The following RSF1 variants were observed in gnomAD, a reference collection of about 807,000 sequenced individuals.
The protein encoded by RSF1 is remodeling and spacing factor 1, also known as HBV pX-associated protein 8.
A neutral mutation model predicts 145.2 loss-of-function variants in RSF1; 13 were observed. That is an observed-to-expected ratio of 0.09 (90% confidence interval 0.06 to 0.14). The LOEUF is 0.14. RSF1 is among the 10% of genes least tolerant of loss of function. The pLI, the probability that RSF1 is intolerant of heterozygous loss-of-function variation, is 1.00. For synonymous variants in RSF1, 577 were observed against 592.6 expected (o/e 0.97, Z 0.38); for missense variants, 1,517 against 1,718.2 (o/e 0.88, Z 2.07).
chr11:77,759,767 G>T (rs924181412), intron 2 of RSF1, among the ~76,000 whole-genome samples: 3 of 150,610 alleles, frequency 2.0e-5, no homozygotes, highest in African/African-American at 7.3e-5. Flanking sequence ...TTCAATCCTT[G>T]CTTCACCATC....
In RSF1 at chr11:77,690,174, A is replaced by C. The variant is rs964920577; in HGVS notation, c.2900+985T>G. ...GAGACTCCATCTCAAAAAAAAAAAA[A>C]AAAAAACAAAAAACCTTCTCCAACT... On this transcript the variant is annotated intron_variant, in intron 9 of 15. Transcript: ENST00000308488. Among the ~76,000 whole-genome samples the C allele has an allele frequency of 3.8e-4, 57 of 151,700 alleles. 1 individual carries two copies. The East Asian group carries it at 5.4e-3, about 14-fold the overall frequency.
intron 1 of RSF1, among the ~76,000 whole-genome samples, chr11:77,784,494 C>T (rs1482317223): frequency 1.3e-5 from 2 of 151,718 alleles, no homozygotes; most frequent in East Asian, 3.9e-4. Context: ...CATTTTTCTC[C>T]TGGTTAAGAG....
the RSF1 span, chr11:77,841,189 A>C: frequency 1.4e-6 from 1 of 702,226 alleles, no homozygotes; most frequent in African/African-American, 1.7e-5. Context: ...TCTATTCATG[A>C]GGGTGGAACC....
intron 1 of RSF1, among the ~76,000 whole-genome samples, chr11:77,773,180 C>T (rs1459525433): frequency 1.3e-5 from 2 of 152,188 alleles, no homozygotes; most frequent in African/African-American, 4.8e-5. Context: ...ACATACCATA[C>T]AACTCATCCA....
At chr11:77,713,270 T>G (rs546678434) in intron 5 of RSF1, among the ~76,000 whole-genome samples, 1 of 152,306 alleles carries the variant, frequency 6.6e-6, no homozygotes, top group African/African-American at 2.4e-5. Context: ...ATTATAGATA[T>G]TGGTAACAGC....
At chr11:77,766,121 T>C (rs972235174) in intron 1 of RSF1, among the ~76,000 whole-genome samples, 1 of 151,676 alleles carries the variant, frequency 6.6e-6, no homozygotes, top group Non-Finnish European at 1.5e-5. Flanking sequence ...CTCAAATATA[T>C]TGGCAAAATG....
the RSF1 span, among the ~76,000 whole-genome samples, chr11:77,856,538 G>A: frequency 0.13 from 19,663 of 152,104 alleles, 1,448 homozygotes; most frequent in Admixed American, 0.2. Context: ...AGCTACCTGA[G>A]ACTGGATAGT....
At chr11:77,671,929 T>C in intron 15 of RSF1, 113 bp downstream of exon 15, 1 of 993,152 alleles carries the variant, frequency 1.0e-6, no homozygotes, top group Non-Finnish European at 1.4e-6. Context: ...CCACCATGCC[T>C]GGCCTGGTTA....
chr11:77,793,295 C>T (rs1423758803), intron 1 of RSF1, among the ~76,000 whole-genome samples: 2 of 152,100 alleles, frequency 1.3e-5, no homozygotes, highest in Admixed American at 6.6e-5. Context: ...GCCTTGTCTA[C>T]ATAGCAAGCC....
intron 1 of RSF1, among the ~76,000 whole-genome samples, chr11:77,807,434 C>A (rs1169845628): frequency 6.6e-6 from 1 of 152,088 alleles, no homozygotes; most frequent in Non-Finnish European, 1.5e-5. Flanking sequence ...CAAACAAGAT[C>A]AAGCAAACAT....
the RSF1 span, chr11:77,869,547 G>A: frequency 5.3e-4 from 288 of 544,596 alleles, no homozygotes; most frequent in Middle Eastern, 3.1e-3. Flanking sequence ...GAACTCCTAG[G>A]TTCAAGGGAT....
At chr11:77,783,029 T>C (rs950073550) in intron 1 of RSF1, among the ~76,000 whole-genome samples, 3 of 152,242 alleles carry the variant, frequency 2.0e-5, no homozygotes, top group African/African-American at 7.2e-5. Context: ...ATGAACTTCA[T>C]TTAACATCTA....
At chr11:77,705,455 C>A (rs1263313748) in intron 5 of RSF1, among the ~76,000 whole-genome samples, 1 of 152,202 alleles carries the variant, frequency 6.6e-6, no homozygotes, top group Non-Finnish European at 1.5e-5. Context: ...CCACCCCTAG[C>A]AGAATCACTC....
chr11:77,806,499 C>G (rs111521341), intron 1 of RSF1, among the ~76,000 whole-genome samples: 5 of 152,000 alleles, frequency 3.3e-5, no homozygotes, highest in African/African-American at 9.7e-5. Flanking sequence ...TACATAGCAA[C>G]ACCCATCTCT....
intron 9 of RSF1, among the ~76,000 whole-genome samples, chr11:77,688,704 C>T (rs1010038263): frequency 6.6e-6 from 1 of 152,022 alleles, no homozygotes; most frequent in South Asian, 2.1e-4. Context: ...GCAGGAGGAT[C>T]CCTTGAGCCC....
At chr11:77,776,041 C>T (rs1249489822) in intron 1 of RSF1, among the ~76,000 whole-genome samples, 1 of 152,126 alleles carries the variant, frequency 6.6e-6, no homozygotes, top group Non-Finnish European at 1.5e-5. Flanking sequence ...TTCCAAAGTG[C>T]TGGGATTAAC....
chr11:77,854,326 T>C, the RSF1 span, among the ~76,000 whole-genome samples: 1 of 152,116 alleles, frequency 6.6e-6, no homozygotes, highest in African/African-American at 2.4e-5. Context: ...CAGCATTAAC[T>C]GAAAAGTCCA....
At chr11:77,812,149 A>C (rs191100973) in intron 1 of RSF1, among the ~76,000 whole-genome samples, 338 of 152,322 alleles carry the variant, frequency 2.2e-3, no homozygotes, top group African/African-American at 7.3e-3. Context: ...ACTGCACTCC[A>C]GCCTGGGTGA....
chr11:77,730,064 A>G (rs942132981), intron 4 of RSF1, among the ~76,000 whole-genome samples: 1 of 152,236 alleles, frequency 6.6e-6, no homozygotes, highest in Admixed American at 6.5e-5. Flanking sequence ...ATTAGTTCAT[A>G]TAATTCCAAT....
Sources: allele counts gnomAD v4.1 joint callset (sites outside exome capture counted in the v4.1 genomes callset), GRCh38; gene constraint gnomAD v4.1.1; transcripts MANE v1.5; gene names NCBI Gene and HGNC (gene_info 2026-07-23, HGNC 2026-07-21).